The following PTPRA variants were observed in gnomAD, a reference collection of about 807,000 sequenced individuals.
PTPRA encodes the protein protein tyrosine phosphatase receptor type A.
PTPRA carries 25 observed loss-of-function variants against 104.8 expected under a neutral mutation model. The observed-to-expected ratio is 0.24, with a 90% CI of 0.17 to 0.33. The LOEUF (loss-of-function observed/expected upper bound fraction) is 0.33, where lower values mean the gene tolerates loss of function less well. Among genes scored for constraint, PTPRA ranks in the 10% least tolerant of loss-of-function variants. PTPRA has a pLI of 1.00. For missense variants in PTPRA, 765 were observed against 1,015.3 expected (o/e 0.75, Z 3.35); for synonymous variants, 323 against 368.9 (o/e 0.88, Z 1.43).
chr20:2,987,367 C>T (rs939654601), intron 7 of PTPRA, among the ~76,000 whole-genome samples: 3 of 151,746 alleles, frequency 2.0e-5, no homozygotes, highest in African/African-American at 7.3e-5. Flanking sequence ...TTTCAGGGTC[C>T]TCTAGACGTT....
chr20:2,987,573 T>C (rs1285093030), intron 7 of PTPRA, among the ~76,000 whole-genome samples: 6 of 152,302 alleles, frequency 3.9e-5, no homozygotes, highest in Middle Eastern at 3.4e-3. Context: ...CCCCTATAAT[T>C]TGTCATGTGT....
intron 1 of PTPRA, among the ~76,000 whole-genome samples, chr20:2,884,602 C>G (rs2090264387): frequency 6.6e-6 from 1 of 152,106 alleles, no homozygotes. Context: ...ATACTTGGCT[C>G]ATTTTAAAAT....
At chr20:2,990,439 C>G (rs1180288016) in intron 9 of PTPRA, among the ~76,000 whole-genome samples, 2 of 152,088 alleles carry the variant, frequency 1.3e-5, no homozygotes, top group East Asian at 3.9e-4. Flanking sequence ...GGGTCAAGGC[C>G]AGGCATGCTA....
chr20:2,870,967 G>A (rs1373724367), upstream of PTPRA, among the ~76,000 whole-genome samples: 5 of 152,138 alleles, frequency 3.3e-5, no homozygotes, highest in African/African-American at 7.2e-5. Context: ...GATGATGGGC[G>A]AGGGAGCTCA....
chr20:2,910,589 G>GTTTTTTTTTTTTTTTTTTTTTTATTTTTT (rs1423909050), intron 1 of PTPRA, among the ~76,000 whole-genome samples: 1 of 57,986 alleles, frequency 1.7e-5, no homozygotes, highest in Non-Finnish European at 2.9e-5. Flanking sequence ...TTTTTTTTTT[G>GTTTTTTTTTTTTTTTTTTTTTTATTTTTT]TTTTTTTTTT....
chr20:2,941,012 GT>G (rs1491138850), intron 2 of PTPRA, among the ~76,000 whole-genome samples: 1 of 149,768 alleles, frequency 6.7e-6, no homozygotes, highest in South Asian at 2.1e-4. Context: ...TTTTCTTCTG[GT>G]TTTTTTTTGG....
At chr20:2,920,265 T>C (rs1050533419) in intron 1 of PTPRA, among the ~76,000 whole-genome samples, 1 of 152,154 alleles carries the variant, frequency 6.6e-6, no homozygotes, top group Admixed American at 6.5e-5. Flanking sequence ...GTTTGGAGTT[T>C]GGAAAGAGCT....
chr20:3,032,501 C>A (rs984945089), intron 20 of PTPRA, among the ~76,000 whole-genome samples: 2 of 152,100 alleles, frequency 1.3e-5, no homozygotes, highest in Non-Finnish European at 2.9e-5. Flanking sequence ...GGCGCGGTGG[C>A]TCACGCCTGT....
chr20:2,866,236 CAACAT>C, the PTPRA span: 1 of 1,614,102 alleles, frequency 6.2e-7, no homozygotes, highest in Non-Finnish European at 8.5e-7. Context: ...CTGCATGAAA[CAACAT>C]AACAAATACG....
At chr20:3,014,088 C>T (rs1036679921) in intron 11 of PTPRA, among the ~76,000 whole-genome samples, 1 of 152,160 alleles carries the variant, frequency 6.6e-6, no homozygotes, top group Non-Finnish European at 1.5e-5. Context: ...ATGCGCTTAA[C>T]GTATTCTTAA....
Position 3,037,921 on chromosome 20 carries a change from C to G in PTPRA, c.2335-138C>G. The G allele has an allele frequency of 1.4e-6, 1 of 715,020 alleles. No individual in the cohort carries two copies. The highest frequency in any genetic ancestry group is 1.8e-5 in the South Asian group (1 of 55,284). 44.3% of individuals were successfully genotyped at this position (715,020 alleles called of 1,614,324 possible). A position where few individuals can be genotyped will look rare whatever the true frequency, so the allele number is the denominator to read the frequency against. Reference sequence around the variant, plus strand: ...GCTGTCAGAACTCTGGCAGGCAGATCAGAGCTCAGGTGAAAGTTCAAAAAC... The same window carrying G: ...GCTGTCAGAACTCTGGCAGGCAGATGAGAGCTCAGGTGAAAGTTCAAAAAC... On this transcript the variant is annotated intron_variant, in intron 23 of 23. Coordinates refer to ENST00000399903, the MANE Select transcript of PTPRA (RefSeq NM_001385305.1). This position sits in a 1 kb window ranked among gnomAD's most constrained non-coding sequence, Gnocchi z 4.3.
intron 13 of PTPRA, among the ~76,000 whole-genome samples, chr20:3,020,818 A>C (rs2064829574): frequency 6.6e-6 from 1 of 152,210 alleles, no homozygotes; most frequent in South Asian, 2.1e-4. Context: ...AGTTTCCTCC[A>C]ACCAAACCTC....
chr20:2,941,771 C>T (rs1031407087), intron 2 of PTPRA, among the ~76,000 whole-genome samples: 20 of 152,178 alleles, frequency 1.3e-4, no homozygotes, highest in African/African-American at 2.9e-4. Flanking sequence ...TCTGAGGTTA[C>T]GGACTGGCAT....
Position 3,037,964 on chromosome 20 carries a change from T to C in PTPRA, c.2335-95T>C. 1 of 1,097,988 alleles carries C rather than the reference T, an allele frequency of 9.1e-7. No homozygotes were observed. 68.0% of individuals were successfully genotyped at this position (1,097,988 alleles called of 1,614,324 possible). A position where few individuals can be genotyped will look rare whatever the true frequency, so the allele number is the denominator to read the frequency against. On this transcript the variant is annotated intron_variant, in intron 23 of 23. Transcript: ENST00000399903. The surrounding 1 kb of genome is among the most constrained non-coding windows in gnomAD (Gnocchi z 4.3). The stretch of plus-strand genomic sequence containing the variant: ...TCAAAAACATTCAGTTCCTCTTGAT[T>C]TTCCATCTTCAACAAAAAAATGAGT...
intron 6 of PTPRA, among the ~76,000 whole-genome samples, chr20:2,984,251 A>G (rs1212886303): frequency 6.6e-6 from 1 of 152,116 alleles, no homozygotes; most frequent in African/African-American, 2.4e-5. Flanking sequence ...ATCTCCCTCC[A>G]TCTGTCATTC....
At chr20:2,952,752 C>T (rs999109799) in intron 3 of PTPRA, among the ~76,000 whole-genome samples, 14 of 152,170 alleles carry the variant, frequency 9.2e-5, no homozygotes, top group African/African-American at 3.1e-4. Context: ...TGGCAACCAT[C>T]GTTCTGTTTT....
At chr20:2,986,247 G>A (rs6037444) in intron 6 of PTPRA, among the ~76,000 whole-genome samples, 4,318 of 152,146 alleles carry the variant, frequency 0.028, 184 homozygotes, top group African/African-American at 0.086. Context: ...CTCTGTGCCC[G>A]GAAACCATTT....
chr20:2,874,957 C>A (rs1337294725), intron 1 of PTPRA, among the ~76,000 whole-genome samples: 1 of 152,126 alleles, frequency 6.6e-6, no homozygotes, highest in Admixed American at 6.5e-5. Flanking sequence ...CCTCTTTCTT[C>A]CCCACCTTTA....
At chr20:2,893,750 CTTCT>C (rs1268196300) in intron 1 of PTPRA, among the ~76,000 whole-genome samples, 1 of 152,088 alleles carries the variant, frequency 6.6e-6, no homozygotes, top group Non-Finnish European at 1.5e-5. Context: ...GGCACATGAC[CTTCT>C]AACCCAGTGA....
Sources: allele counts gnomAD v4.1 joint callset (sites outside exome capture counted in the v4.1 genomes callset), GRCh38; gene constraint gnomAD v4.1.1; non-coding constraint Gnocchi (gnomAD v3.1); transcripts MANE v1.5; gene names NCBI Gene and HGNC (gene_info 2026-07-23, HGNC 2026-07-21).